The following SUGCT variants were observed in gnomAD, a reference collection of about 807,000 sequenced individuals.
SUGCT encodes the protein succinyl-CoA:glutarate-CoA transferase.
SUGCT carries 41 observed loss-of-function variants against 55.0 expected under a neutral mutation model. The ratio of observed to expected loss-of-function variants is 0.74; its 90% CI spans 0.58 to 0.97. The LOEUF is 0.97. SUGCT is among the 50% of genes least tolerant of loss of function. SUGCT has a pLI of 0.00. For synonymous variants in SUGCT, 187 were observed against 200.4 expected (o/e 0.93, Z 0.56); for missense variants, 568 against 547.8 (o/e 1.04, Z -0.37).
chr7:40,702,820 G>A (rs1216497544), intron 12 of SUGCT, among the ~76,000 whole-genome samples: 1 of 152,048 alleles, frequency 6.6e-6, no homozygotes, highest in Non-Finnish European at 1.5e-5. Flanking sequence ...TCATCCCATG[G>A]GCCCCTCACC....
chr7:40,548,190 T>TC (rs1795105603), intron 12 of SUGCT, among the ~76,000 whole-genome samples: 1 of 145,548 alleles, frequency 6.9e-6, no homozygotes, highest in Middle Eastern at 3.3e-3. Context: ...TTCTTTCTTT[T>TC]TTTTTTTTTT....
At position 40,520,985 on chromosome 7, in the gene SUGCT, G is replaced by A. The variant is rs568671245; in HGVS notation, c.1089+24599G>A. 3.3e-5 allele frequency among the ~76,000 whole-genome samples: 5 copies of A among 152,156 alleles called. No homozygotes were observed. The East Asian group carries it at 7.7e-4, about 24-fold the overall frequency. ...TAGTAAATAATTTTATTGCAAATGTGGTTAAAGGATTTAAAATACCTGTAA... is the reference window on the plus strand; with the variant it reads ...TAGTAAATAATTTTATTGCAAATGTAGTTAAAGGATTTAAAATACCTGTAA... On this transcript the variant is annotated intron_variant, in intron 12 of 13. Coordinates refer to ENST00000335693, the MANE Select transcript of SUGCT (RefSeq NM_001193313.2).
intron 9 of SUGCT, among the ~76,000 whole-genome samples, chr7:40,448,624 G>GTA: frequency 6.6e-6 from 1 of 152,052 alleles, no homozygotes; most frequent in East Asian, 1.9e-4. Context: ...GAGGTAAGCG[G>GTA]ATCTCGAGCC....
chr7:40,250,119 C>T (rs1448377003), intron 7 of SUGCT, among the ~76,000 whole-genome samples: 1 of 152,002 alleles, frequency 6.6e-6, no homozygotes, highest in Non-Finnish European at 1.5e-5. Context: ...ATTCTTGGGC[C>T]AGACATGGTG....
intron 11 of SUGCT, among the ~76,000 whole-genome samples, chr7:40,479,686 T>C (rs1479060376): frequency 6.6e-6 from 1 of 152,124 alleles, no homozygotes; most frequent in African/African-American, 2.4e-5. Flanking sequence ...CTGCCACACT[T>C]GTTATTTTTT....
chr7:41,029,902 C>A, the SUGCT span, among the ~76,000 whole-genome samples: 7 of 152,112 alleles, frequency 4.6e-5, no homozygotes, highest in Non-Finnish European at 1.0e-4. Context: ...ATGGCTTCAC[C>A]TGTTCATCCC....
chr7:40,262,449 G>A (rs1445233744), intron 7 of SUGCT, among the ~76,000 whole-genome samples: 3 of 141,942 alleles, frequency 2.1e-5, no homozygotes, highest in Non-Finnish European at 4.5e-5. Flanking sequence ...AGGAGATCGA[G>A]ACCATCCTGG....
chr7:40,649,770 C>T (rs1408470689), intron 12 of SUGCT, among the ~76,000 whole-genome samples: 1 of 152,074 alleles, frequency 6.6e-6, no homozygotes, highest in Non-Finnish European at 1.5e-5. Flanking sequence ...CAAAAATTGT[C>T]CATATGGTAG....
At chr7:40,147,841 G>C (rs1788343365) in intron 1 of SUGCT, among the ~76,000 whole-genome samples, 1 of 152,234 alleles carries the variant, frequency 6.6e-6, no homozygotes, top group Non-Finnish European at 1.5e-5. Flanking sequence ...AAGTTTCTGT[G>C]CTGCAAAAGA....
At chr7:40,585,329 A>T (rs1341972181) in intron 12 of SUGCT, among the ~76,000 whole-genome samples, 1 of 152,190 alleles carries the variant, frequency 6.6e-6, no homozygotes, top group South Asian at 2.1e-4. Context: ...TTCTGAAATG[A>T]GTCTTCCAGC....
chr7:40,903,055 C>T, the SUGCT span, among the ~76,000 whole-genome samples: 6 of 145,808 alleles, frequency 4.1e-5, no homozygotes, highest in South Asian at 4.3e-4. Context: ...TTTTTTGAGA[C>T]GGAGTCTTGC....
chr7:40,936,227 TG>T, the SUGCT span, among the ~76,000 whole-genome samples: 68 of 150,370 alleles, frequency 4.5e-4, 1 homozygote, highest in Admixed American at 3.1e-3. Flanking sequence ...CCTTGTGGGA[TG>T]TTTATTATTA....
chr7:40,738,946 T>A (rs1787319197), intron 12 of SUGCT, among the ~76,000 whole-genome samples: 1 of 152,216 alleles, frequency 6.6e-6, no homozygotes, highest in Admixed American at 6.5e-5. Flanking sequence ...AAAACTCTAT[T>A]CATCAATATA....
At chr7:40,994,582 T>C in the SUGCT span, among the ~76,000 whole-genome samples, 2 of 152,146 alleles carry the variant, frequency 1.3e-5, no homozygotes, top group African/African-American at 4.8e-5. Flanking sequence ...AACCAGGAAA[T>C]GCAGGGCCTG....
At chr7:40,527,550 A>G (rs776925282) in intron 12 of SUGCT, among the ~76,000 whole-genome samples, 6 of 152,206 alleles carry the variant, frequency 3.9e-5, no homozygotes, top group Non-Finnish European at 8.8e-5. Context: ...GCAGTGTTGA[A>G]AGGGAGACAC....
chr7:40,797,633 A>T, intron 13 of SUGCT, among the ~76,000 whole-genome samples: 1 of 152,056 alleles, frequency 6.6e-6, no homozygotes, highest in East Asian at 1.9e-4. Context: ...GGGCTTTCTC[A>T]TGTCCAACCT....
intron 1 of SUGCT, among the ~76,000 whole-genome samples, chr7:40,138,583 T>C (rs561660160): frequency 2.0e-5 from 3 of 152,354 alleles, no homozygotes; most frequent in East Asian, 1.9e-4. Context: ...CTGTTTTCCA[T>C]AGAAGGTGCA....
At chr7:40,719,012 T>C (rs1786174544) in intron 12 of SUGCT, among the ~76,000 whole-genome samples, 1 of 152,218 alleles carries the variant, frequency 6.6e-6, no homozygotes, top group Non-Finnish European at 1.5e-5. Flanking sequence ...AAAATACAAA[T>C]TTCATCATGT....
intron 13 of SUGCT, among the ~76,000 whole-genome samples, chr7:40,769,485 G>A (rs1788978059): frequency 6.6e-6 from 1 of 152,168 alleles, no homozygotes; most frequent in South Asian, 2.1e-4. Context: ...TTATAAGAGG[G>A]ACACAGGAGT....
Sources: gnomAD v4.1 joint callset for allele counts (sites outside exome capture counted in the v4.1 genomes callset) on GRCh38, gnomAD v4.1.1 for gene constraint, MANE v1.5 for transcripts, NCBI Gene and HGNC (gene_info 2026-07-23, HGNC 2026-07-21) for gene names.